The following TMEM132C variants were observed in gnomAD, a reference collection of about 807,000 sequenced individuals.
TMEM132C encodes the protein protein phosphatase 1, regulatory subunit 152.
A neutral mutation model predicts 61.4 loss-of-function variants in TMEM132C; 29 were observed. The ratio of observed to expected loss-of-function variants is 0.47; its 90% CI spans 0.35 to 0.64. The LOEUF (loss-of-function observed/expected upper bound fraction) is 0.64. Ranked by LOEUF, TMEM132C falls within the 30% of genes least tolerant of loss-of-function variation. The pLI, the probability that TMEM132C is intolerant of heterozygous loss-of-function variation, is 0.00. For missense variants in TMEM132C, 1,408 were observed against 1,476.9 expected (o/e 0.95, Z 0.76); for synonymous variants, 656 against 633.1 (o/e 1.04, Z -0.54).
At chr12:128,578,440 A>G (rs185022511) in intron 3 of TMEM132C, among the ~76,000 whole-genome samples, 47 of 152,044 alleles carry the variant, frequency 3.1e-4, no homozygotes, top group Non-Finnish European at 6.0e-4. Context: ...CCCACCAATA[A>G]CACCCTTTTA....
chr12:128,585,127 C>T (rs575475927), intron 3 of TMEM132C, among the ~76,000 whole-genome samples: 4 of 152,376 alleles, frequency 2.6e-5, no homozygotes, highest in East Asian at 3.9e-4. Flanking sequence ...CGTCTCTACA[C>T]GTACAGGCCG....
intron 2 of TMEM132C, among the ~76,000 whole-genome samples, chr12:128,425,897 A>G (rs907428518): frequency 6.6e-6 from 1 of 152,206 alleles, no homozygotes; most frequent in African/African-American, 2.4e-5. Flanking sequence ...GGAGATCCTT[A>G]ACTAATTCCA....
At chr12:128,645,249 C>G (rs888362118) in intron 4 of TMEM132C, among the ~76,000 whole-genome samples, 1 of 152,148 alleles carries the variant, frequency 6.6e-6, no homozygotes, top group Admixed American at 6.5e-5. Flanking sequence ...CCTCCAGAGC[C>G]CTCTCTCACG....
At chr12:128,408,957 G>T (rs1367358436) in intron 1 of TMEM132C, among the ~76,000 whole-genome samples, 4 of 152,176 alleles carry the variant, frequency 2.6e-5, no homozygotes, top group Non-Finnish European at 2.9e-5. Flanking sequence ...TGCACAGGCT[G>T]CACTGAGAGG....
chr12:128,671,417 GTC>G (rs1205373628), intron 5 of TMEM132C, among the ~76,000 whole-genome samples: 1 of 152,104 alleles, frequency 6.6e-6, no homozygotes, highest in Non-Finnish European at 1.5e-5. Flanking sequence ...GAAGCATTTT[GTC>G]TCTCTCTGTA....
At chr12:128,273,321 T>C (rs1035632043) in intron 1 of TMEM132C, among the ~76,000 whole-genome samples, 3 of 152,318 alleles carry the variant, frequency 2.0e-5, no homozygotes, top group South Asian at 4.1e-4. Flanking sequence ...GAAATATTTC[T>C]TGTTCTAAAA....
At chr12:128,381,980 G>A (rs191454390) in intron 1 of TMEM132C, among the ~76,000 whole-genome samples, 293 of 151,586 alleles carry the variant, frequency 1.9e-3, no homozygotes, top group Admixed American at 3.1e-3. Context: ...TCTTTGTCCC[G>A]TTGAAGACCC....
chr12:128,430,060 C>A (rs1028996602), intron 2 of TMEM132C, among the ~76,000 whole-genome samples: 1 of 152,144 alleles, frequency 6.6e-6, no homozygotes, highest in Non-Finnish European at 1.5e-5. Context: ...GGCAGCTCGG[C>A]CTCCTTCTCA....
intron 1 of TMEM132C, among the ~76,000 whole-genome samples, chr12:128,411,414 A>G (rs1298810911): frequency 2.0e-5 from 3 of 152,242 alleles, no homozygotes; most frequent in Non-Finnish European, 2.9e-5. Context: ...ACTTTATGAC[A>G]GTATCATCGA....
chr12:128,364,468 C>T (rs867438194), intron 1 of TMEM132C, among the ~76,000 whole-genome samples: 41 of 152,178 alleles, frequency 2.7e-4, no homozygotes, highest in African/African-American at 8.2e-4. Flanking sequence ...CCATGCTGGG[C>T]GAAGCTCCAC....
chr12:128,412,087 A>G (rs1868575252), intron 1 of TMEM132C, among the ~76,000 whole-genome samples: 1 of 152,234 alleles, frequency 6.6e-6, no homozygotes, highest in Non-Finnish European at 1.5e-5. Context: ...TTATAGCCAA[A>G]ATATGTGTCC....
At chr12:128,559,556 ACAC>A (rs1255566069) in intron 3 of TMEM132C, among the ~76,000 whole-genome samples, 5 of 152,158 alleles carry the variant, frequency 3.3e-5, no homozygotes, top group Non-Finnish European at 7.3e-5. Context: ...GCACCCATTC[ACAC>A]CACCACCATC....
chr12:128,308,350 GT>G (rs34450530), intron 1 of TMEM132C, among the ~76,000 whole-genome samples: 29,539 of 149,964 alleles, frequency 0.2, 3,379 homozygotes, highest in East Asian at 0.53. Context: ...CCCTTGGCCA[GT>G]TTTTTTTTTC....
intron 4 of TMEM132C, among the ~76,000 whole-genome samples, chr12:128,627,334 C>A (rs1001486310): frequency 3.9e-5 from 6 of 152,098 alleles, no homozygotes; most frequent in Non-Finnish European, 1.5e-5. Flanking sequence ...GCTGGAATTT[C>A]ATCTCTCTCT....
intron 1 of TMEM132C, among the ~76,000 whole-genome samples, chr12:128,389,707 A>G (rs1389399058): frequency 6.6e-6 from 1 of 152,118 alleles, no homozygotes; most frequent in East Asian, 1.9e-4. Context: ...TGGCATAAAC[A>G]TTCCATGCTG....
intron 4 of TMEM132C, among the ~76,000 whole-genome samples, chr12:128,649,386 C>T (rs1954244673): frequency 6.6e-6 from 1 of 152,190 alleles, no homozygotes; most frequent in African/African-American, 2.4e-5. Context: ...AAGGGACACA[C>T]ATCATTTGCA....
At chr12:128,295,774 A>AT (rs35429945) in intron 1 of TMEM132C, among the ~76,000 whole-genome samples, 1 of 82,506 alleles carries the variant, frequency 1.2e-5, no homozygotes, top group Non-Finnish European at 2.3e-5. Flanking sequence ...AGCACCAATT[A>AT]AAAAAAAAAA....
At chr12:128,512,182 G>T (rs182071455) in intron 2 of TMEM132C, among the ~76,000 whole-genome samples, 1 of 151,798 alleles carries the variant, frequency 6.6e-6, no homozygotes, top group African/African-American at 2.4e-5. Context: ...ACAAAGAGAC[G>T]CCTTGCTTCC....
intron 3 of TMEM132C, among the ~76,000 whole-genome samples, chr12:128,600,383 T>C (rs1439747123): frequency 3.3e-5 from 5 of 152,218 alleles, no homozygotes; most frequent in Non-Finnish European, 5.9e-5. Context: ...TCCACCATGA[T>C]TGTAAGTTTC....
Sources: allele counts gnomAD v4.1 joint callset (sites outside exome capture counted in the v4.1 genomes callset), GRCh38; gene constraint gnomAD v4.1.1; transcripts MANE v1.5; gene names NCBI Gene and HGNC (gene_info 2026-07-23, HGNC 2026-07-21).